NPPC: variants seen among roughly 807,000 people sequenced by gnomAD.
NPPC encodes natriuretic peptide C.
Under a neutral mutation model 10.2 loss-of-function variants are expected in NPPC, and 4 were observed. That is an observed-to-expected ratio of 0.39 (90% CI 0.19 to 0.90). The LOEUF is 0.90. NPPC is among the 40% of genes least tolerant of loss of function. The probability of loss-of-function intolerance (pLI) is 0.37; values close to 1 mark genes in which losing one functional copy is unlikely to be tolerated. For synonymous variants in NPPC, 83 were observed against 87.3 expected (o/e 0.95, Z 0.27); for missense variants, 182 against 173.8 (o/e 1.05, Z -0.26).
rs143348095 is a variant in NPPC, at chr2:231,923,616, G to A, written c.*21-1301C>T. Among the ~76,000 whole-genome samples the A allele has an allele frequency of 3.5e-3, 537 of 152,322 alleles. 5 individuals carry two copies. Among genetic ancestry groups the A allele is most frequent in the African/African-American group, 0.012 (498 of 41,562 alleles). ...AATAATAAAACAGCTGGTGTTGGGC[G>A]TAAGCCGGTGTTGAAGGTGTCGACG... On this transcript the variant is annotated intron_variant, in intron 2 of 2. Transcript: ENST00000409852.
chr2:231,923,170 G>A (rs1326194866), intron 2 of NPPC, among the ~76,000 whole-genome samples: 10 of 152,214 alleles, frequency 6.6e-5, no homozygotes, highest in Non-Finnish European at 1.5e-4. Context: ...AGAATGGCTT[G>A]ATGAACCCTC....
chr2:231,923,605 T>TGGTGTTGGGCGTAAGCC (rs1278108945), intron 2 of NPPC, among the ~76,000 whole-genome samples: 1 of 152,234 alleles, frequency 6.6e-6, no homozygotes, highest in Non-Finnish European at 1.5e-5. Flanking sequence ...ATAAAACAGC[T>TGGTGTTGGGCGTAAGCC]GGTGTTGGGC....
intron 2 of NPPC, among the ~76,000 whole-genome samples, chr2:231,923,466 C>T (rs576380028): frequency 1.4e-4 from 21 of 152,340 alleles, no homozygotes; most frequent in African/African-American, 5.1e-4. Flanking sequence ...TCCTGGGCAT[C>T]GTCACCAGGA....
Position 231,925,728 on chromosome 2 carries a change from A to G in NPPC, c.91-13T>C. On this transcript the variant is annotated splice_polypyrimidine_tract_variant and intron_variant, in intron 1 of 2. Transcript: ENST00000409852. ...GGGTTCGCGGGACCTGTCCGAGGAAAGAGCGGGCAGGTGAAGGGACACGCG... is the reference window on the plus strand; with the variant it reads ...GGGTTCGCGGGACCTGTCCGAGGAAGGAGCGGGCAGGTGAAGGGACACGCG... 6.5e-7 allele frequency: 1 copy of G among 1,539,088 alleles called. No homozygotes were observed. The highest frequency in any genetic ancestry group is 1.2e-5 in the South Asian group (1 of 81,650).
chr2:231,926,018 G>T, intron 1 of NPPC, 142 bp downstream of exon 1: 1 of 688,962 alleles, frequency 1.5e-6, no homozygotes, highest in South Asian at 3.5e-5. Flanking sequence ...GCGCTTCGAG[G>T]GCTCCCCGGC....
intron 2 of NPPC, among the ~76,000 whole-genome samples, 174 bp from the exon 3 acceptor site, chr2:231,922,489 T>C (rs772650501): frequency 2.6e-5 from 4 of 151,442 alleles, no homozygotes; most frequent in Non-Finnish European, 5.9e-5. Flanking sequence ...GAGCCCCCCA[T>C]TGCGCACTCC....
chr2:231,923,479 C>G (rs893962272), intron 2 of NPPC, among the ~76,000 whole-genome samples: 5 of 152,232 alleles, frequency 3.3e-5, no homozygotes, highest in African/African-American at 1.2e-4. Flanking sequence ...CACCAGGAGC[C>G]TGCAGGAATG....
Position 231,925,391 on chromosome 2 carries a change from T to C in NPPC, c.*20+14A>G. On this transcript the variant is annotated intron_variant, in intron 2 of 2. Coordinates refer to ENST00000409852, the MANE Select transcript of NPPC (RefSeq NM_024409.4). The stretch of plus-strand genomic sequence containing the variant: ...GGCCGGGCTGGGGCTGGGCGTCGGG[T>C]GGGCCGTACTCACCGCCGCCAGGGG... 2 of 1,542,720 alleles carry C rather than the reference T, an allele frequency of 1.3e-6. No individual in the cohort carries two copies. The highest frequency in any genetic ancestry group is 1.7e-6 in the Non-Finnish European group (2 of 1,144,894).
In NPPC at chr2:231,925,530, G is replaced by A. The variant is rs954595495; in HGVS notation, c.276C>T (p.His92=). The change falls in exon 2 of 3, where the codon CAC becomes CAT. Residue 92 remains histidine (H), a synonymous_variant. Coordinates refer to ENST00000409852, the MANE Select transcript of NPPC (RefSeq NM_024409.4). ...RAAWARLLQE[H]PNARKYKGAN... is the part of the protein sequence containing the mutation. ...CTCCTTTGTATTTGCGCGCGTTGGG[G>A]TGCTCTTGCAGAAGGCGAGCCCACG... 3.1e-6 allele frequency: 5 copies of A among 1,612,952 alleles called. No homozygotes were observed. Among genetic ancestry groups the A allele is most frequent in the Non-Finnish European group, 3.4e-6 (4 of 1,179,700 alleles).
chr2:231,925,369 C>G (rs894599902), intron 2 of NPPC, 36 bp downstream of exon 2: 238 of 1,460,194 alleles, frequency 1.6e-4, no homozygotes, highest in Middle Eastern at 2.2e-4. Flanking sequence ...GGTCCCGGGC[C>G]GGGCTGGGGC....
chr2:231,926,299 G>A lies in NPPC; in HGVS notation c.-50C>T. The A allele has an allele frequency of 2.5e-6, 3 of 1,212,472 alleles. No individual in the cohort carries two copies. The Admixed American group carries it at 1.2e-4, about 50-fold the overall frequency. 75.1% of individuals were successfully genotyped at this position (1,212,472 alleles called of 1,614,324 possible). A position where few individuals can be genotyped will look rare whatever the true frequency, so the allele number is the denominator to read the frequency against. ...ACACGGGCGGCAGCGAGGGCGCGCAGGTCGGCGGGCAGACCAGCAGGGGGA... is the reference window on the plus strand; with the variant it reads ...ACACGGGCGGCAGCGAGGGCGCGCAAGTCGGCGGGCAGACCAGCAGGGGGA... On this transcript the variant is annotated 5_prime_UTR_variant, in exon 1 of 3. Transcript: ENST00000409852.
intron 2 of NPPC, among the ~76,000 whole-genome samples, chr2:231,922,675 T>G (rs1691946053): frequency 6.6e-6 from 1 of 152,124 alleles, no homozygotes; most frequent in African/African-American, 2.4e-5. Flanking sequence ...CCTCAGTCAG[T>G]GCTCGCCCGG....
At position 231,922,200 on chromosome 2, in the gene NPPC, GAAAA is replaced by G. The variant is rs892960984; in HGVS notation, c.*132_*135del. ...TGGTGTTGTGTATTCCCAGTACCAG[GAAAA>G]AAAAAGAAAGAAAGAAAGAAATGTA... On this transcript the variant is annotated 3_prime_UTR_variant, in exon 3 of 3. Coordinates refer to ENST00000409852, the MANE Select transcript of NPPC (RefSeq NM_024409.4). The G allele has an allele frequency of 6.7e-6, 1 of 149,772 alleles. No homozygotes were observed. The highest frequency in any genetic ancestry group is 6.7e-5 in the Admixed American group (1 of 15,014). 9.3% of individuals were successfully genotyped at this position (149,772 alleles called of 1,614,324 possible). A position where few individuals can be genotyped will look rare whatever the true frequency, so the allele number is the denominator to read the frequency against.
chr2:231,925,595 G>T lies in NPPC; in HGVS notation c.211C>A (p.Leu71Met), dbSNP rs986266609. The change falls in exon 2 of 3, where the codon CTG becomes ATG. Residue 71 changes from leucine (L) to methionine (M), a missense_variant. Leu to Met is a conservative substitution (Grantham distance 15, BLOSUM62 2). Coordinates refer to ENST00000409852, the MANE Select transcript of NPPC (RefSeq NM_024409.4). ...GANLKGDRSR[L>M]LRDLRVDTKS... The stretch of plus-strand genomic sequence containing the variant: ...GTGTCCACGCGCAGGTCCCGGAGCA[G>T]TCGCGACCGGTCGCCCTTGAGATTG... The T allele has an allele frequency of 2.1e-5, 34 of 1,611,316 alleles. No individual in the cohort carries two copies. In the Admixed American group the frequency reaches 5.0e-4, roughly 24 times the overall value.
intron 2 of NPPC, among the ~76,000 whole-genome samples, chr2:231,924,643 G>C (rs940592702): frequency 2.0e-4 from 30 of 152,196 alleles, no homozygotes; most frequent in Admixed American, 5.2e-4. Flanking sequence ...CACCCGGCAG[G>C]GGGTGGCGGT....
intron 1 of NPPC, 145 bp downstream of exon 1, chr2:231,926,015 G>T: frequency 1.5e-6 from 1 of 686,516 alleles, no homozygotes; most frequent in Non-Finnish European, 2.1e-6. Context: ...TCCGCGCTTC[G>T]AGGGCTCCCC....
intron 2 of NPPC, among the ~76,000 whole-genome samples, chr2:231,922,746 TC>T: frequency 6.6e-6 from 1 of 152,330 alleles, no homozygotes; most frequent in East Asian, 1.9e-4. Context: ...GGATCAGGAA[TC>T]CTGGGCTCAA....
chr2:231,922,651 G>C (rs1467080468), intron 2 of NPPC, among the ~76,000 whole-genome samples: 1 of 151,874 alleles, frequency 6.6e-6, no homozygotes, highest in African/African-American at 2.4e-5. Flanking sequence ...TCCCTTTTTT[G>C]CTACAACGCA....
chr2:231,924,432 T>G (rs1010431277), intron 2 of NPPC, among the ~76,000 whole-genome samples: 9 of 152,144 alleles, frequency 5.9e-5, no homozygotes, highest in Non-Finnish European at 1.3e-4. Context: ...GATGGGACAG[T>G]CAAGGTGTGG....
Sources: gnomAD v4.1 joint callset for allele counts (sites outside exome capture counted in the v4.1 genomes callset) on GRCh38, gnomAD v4.1.1 for gene constraint, MANE v1.5 for transcripts, NCBI Gene and HGNC (gene_info 2026-07-23, HGNC 2026-07-21) for gene names.